USP39: variants seen among roughly 807,000 people sequenced by gnomAD.
USP39 encodes ubiquitin specific peptidase 39.
Under a neutral mutation model 66.4 loss-of-function variants are expected in USP39, and 38 were observed. That is an observed-to-expected ratio of 0.57 (90% CI 0.44 to 0.75). USP39 has a LOEUF of 0.75. Among genes scored for constraint, USP39 ranks in the 30% least tolerant of loss-of-function variants. The pLI, the probability that USP39 is intolerant of heterozygous loss-of-function variation, is 0.00. For synonymous variants in USP39, 303 were observed against 274.6 expected (o/e 1.10, Z -1.02); for missense variants, 608 against 714.4 (o/e 0.85, Z 1.70).
intron 1 of USP39, among the ~76,000 whole-genome samples, chr2:85,605,822 C>T (rs1673192575): frequency 6.6e-6 from 1 of 152,216 alleles, no homozygotes; most frequent in Non-Finnish European, 1.5e-5. Flanking sequence ...CAGTGCCCCT[C>T]AGAGTGCACC....
chr2:85,624,749 A>C (rs1042466644), intron 4 of USP39, among the ~76,000 whole-genome samples: 1 of 152,140 alleles, frequency 6.6e-6, no homozygotes, highest in African/African-American at 2.4e-5. Flanking sequence ...GGGTCATTTG[A>C]GGTCAGGAGT....
upstream of USP39, chr2:85,609,712 C>T (rs1022676726): frequency 2.4e-6 from 3 of 1,276,448 alleles, no homozygotes; most frequent in South Asian, 4.3e-5. Flanking sequence ...GACGAAGTCT[C>T]ACTCTGTCGC....
At chr2:85,606,430 AG>A (rs1383644304) in intron 1 of USP39, among the ~76,000 whole-genome samples, 1 of 152,166 alleles carries the variant, frequency 6.6e-6, no homozygotes, top group African/African-American at 2.4e-5. Flanking sequence ...ACCCCAGCTG[AG>A]GGGTGGCAGT....
At chr2:85,619,652 C>T (rs1027600116) in intron 2 of USP39, among the ~76,000 whole-genome samples, 1 of 151,442 alleles carries the variant, frequency 6.6e-6, no homozygotes. Context: ...TTTACCTCAT[C>T]ATAGCATTCT....
intron 11 of USP39, chr2:85,645,743 G>GT: frequency 6.6e-6 from 1 of 152,252 alleles, no homozygotes; most frequent in Non-Finnish European, 1.5e-5. Context: ...CAGCATTAAG[G>GT]TTAAAGGCTC....
chr2:85,625,853 A>G (rs1674813089), intron 5 of USP39, among the ~76,000 whole-genome samples, 162 bp downstream of exon 5: 1 of 151,722 alleles, frequency 6.6e-6, no homozygotes. Context: ...CCCTGTCTCT[A>G]CTAAAAATAC....
At position 85,619,201 on chromosome 2, in the gene USP39, G is replaced by A; in HGVS notation, c.269-19G>A. ...TATAGGTTTCCCATTTTCAAAGCCT[G>A]TGATGATTTTCCTTTCAGCAAAGAA... On this transcript the variant is annotated intron_variant, in intron 1 of 12. Coordinates refer to ENST00000323701, the MANE Select transcript of USP39 (RefSeq NM_006590.4). 1 of 1,613,642 alleles carries A rather than the reference G, an allele frequency of 6.2e-7. No individual in the cohort carries two copies. Among genetic ancestry groups the A allele is most frequent in the Non-Finnish European group, 8.5e-7 (1 of 1,179,856 alleles).
intron 5 of USP39, among the ~76,000 whole-genome samples, chr2:85,629,109 G>C (rs1274428376): frequency 6.6e-6 from 1 of 152,000 alleles, no homozygotes; most frequent in African/African-American, 2.4e-5. Context: ...TTTTGCCTAG[G>C]CTGGAGTGCA....
chr2:85,607,045 C>T (rs1232991953), intron 1 of USP39: 2 of 152,106 alleles, frequency 1.3e-5, no homozygotes, highest in East Asian at 1.9e-4. Context: ...GGCCTCCCTA[C>T]CTCTTCCTTT....
chr2:85,636,090 T>C lies in USP39; in HGVS notation c.987T>C (p.Ala329=), dbSNP rs777180574. ...ACTTTCTGTCTTGGTTTCTGAATGC[T>C]CTGCACTCAGCTCTGGGGGGCACAA... ...GVDFLSWFLN[A]LHSALGGTKK... The change falls in exon 7 of 13, where the codon GCT becomes GCC. Residue 329 remains alanine (A), a synonymous_variant. Transcript: ENST00000323701. 8 of 1,614,038 alleles carry C rather than the reference T, an allele frequency of 5.0e-6. No homozygotes were observed. The highest frequency in any genetic ancestry group is 6.8e-6 in the Non-Finnish European group (8 of 1,180,032).
At chr2:85,625,505 CT>C in intron 4 of USP39, 33 bp from the exon 5 acceptor site, 1 of 1,611,080 alleles carries the variant, frequency 6.2e-7, no homozygotes, top group Non-Finnish European at 8.5e-7. Flanking sequence ...GAACTCAGCT[CT>C]TAAACAACTT....
In USP39 at chr2:85,619,373, A is replaced by T. The variant is rs961582427; in HGVS notation, c.338+84A>T. 44 of 1,417,858 alleles carry T rather than the reference A, an allele frequency of 3.1e-5. No homozygotes were observed. The Admixed American group carries it at 3.8e-4, about 12-fold the overall frequency. 87.8% of individuals were successfully genotyped at this position (1,417,858 alleles called of 1,614,324 possible). A position where few individuals can be genotyped will look rare whatever the true frequency, so the allele number is the denominator to read the frequency against. On this transcript the variant is annotated intron_variant, in intron 2 of 12. Transcript: ENST00000323701. ...TTTTGGACTGTACAGTGAACAACAC[A>T]TTGACAAACTTTACTTTTTTTGAAC...
At chr2:85,615,951 C>G (rs1182275273), upstream of USP39, 1 of 722,926 alleles carries the variant, frequency 1.4e-6, no homozygotes, top group Non-Finnish European at 1.7e-6. Context: ...ATCCAGAAAA[C>G]TGTCGCCAGT....
At chr2:85,609,650 G>A, upstream of USP39, 1 of 1,578,762 alleles carries the variant, frequency 6.3e-7, no homozygotes, top group East Asian at 2.2e-5. Context: ...TGTCCATAGA[G>A]ATGCTGCAGG....
At chr2:85,609,477 G>T (rs767998112), upstream of USP39, 1 of 1,614,212 alleles carries the variant, frequency 6.2e-7, no homozygotes, top group Non-Finnish European at 8.5e-7. Context: ...TGTCTGCCTC[G>T]TATTCTAAGC....
chr2:85,627,006 C>T, intron 5 of USP39, among the ~76,000 whole-genome samples: 1 of 150,804 alleles, frequency 6.6e-6, no homozygotes, highest in East Asian at 2.0e-4. Context: ...CTCGGCCTCC[C>T]AAAGTGTTGG....
At chr2:85,641,801 G>T (rs1242542103) in intron 10 of USP39, among the ~76,000 whole-genome samples, 2 of 151,870 alleles carry the variant, frequency 1.3e-5, no homozygotes, top group Non-Finnish European at 2.9e-5. Flanking sequence ...GTACTTGAGG[G>T]GCTGAGGCAG....
intron 9 of USP39, among the ~76,000 whole-genome samples, chr2:85,640,765 G>T (rs973087849): frequency 6.8e-6 from 1 of 147,846 alleles, no homozygotes; most frequent in African/African-American, 2.5e-5. Flanking sequence ...GAGCCACCAG[G>T]CCCGGCCTTT....
At chr2:85,648,648 G>A in intron 12 of USP39, 113 bp from the exon 13 acceptor site, 2 of 1,291,616 alleles carry the variant, frequency 1.5e-6, no homozygotes, top group Non-Finnish European at 2.2e-6. Context: ...GGGTATAGCA[G>A]ATTTGTAAAT....
Sources: gnomAD v4.1 joint callset for allele counts (sites outside exome capture counted in the v4.1 genomes callset) on GRCh38, gnomAD v4.1.1 for gene constraint, MANE v1.5 for transcripts, NCBI Gene and HGNC (gene_info 2026-07-23, HGNC 2026-07-21) for gene names.